The following RIMBP2 variants were observed in gnomAD, a reference collection of about 807,000 sequenced individuals.
The protein encoded by RIMBP2 is RIMS-binding protein 2.
Under a neutral mutation model 118.6 loss-of-function variants are expected in RIMBP2, and 48 were observed. That is an observed-to-expected ratio of 0.40 (90% CI 0.32 to 0.51). RIMBP2 has a LOEUF of 0.51. Ranked by LOEUF, RIMBP2 falls within the 20% of genes least tolerant of loss-of-function variation. The pLI is 0.41. For synonymous variants in RIMBP2, 762 were observed against 742.9 expected, an observed-to-expected ratio of 1.03 and a Z score of -0.42; for missense variants, 1,551 against 1,768.3, an observed-to-expected ratio of 0.88 and a Z score of 2.20.
At chr12:130,445,717 T>C (rs2078465014) in intron 9 of RIMBP2, among the ~76,000 whole-genome samples, 1 of 152,218 alleles carries the variant, frequency 6.6e-6, no homozygotes, top group South Asian at 2.1e-4. Flanking sequence ...CCTATACTTC[T>C]ACCTCTTGAA....
chr12:130,679,080 T>G (rs554202987), intron 1 of RIMBP2, among the ~76,000 whole-genome samples: 49 of 152,182 alleles, frequency 3.2e-4, no homozygotes, highest in South Asian at 3.1e-3. Context: ...TCAATATAAA[T>G]AAAAAAAGAC....
chr12:130,438,335 A>ATTGG, intron 12 of RIMBP2, 30 bp downstream of exon 12: 1 of 865,014 alleles, frequency 1.2e-6, no homozygotes, highest in Non-Finnish European at 1.9e-6. Flanking sequence ...GGCCTAACAA[A>ATTGG]CCCTCCCCAC....
At chr12:130,594,437 T>C (rs932839789) in intron 2 of RIMBP2, among the ~76,000 whole-genome samples, 5 of 152,212 alleles carry the variant, frequency 3.3e-5, no homozygotes, top group African/African-American at 1.2e-4. Flanking sequence ...GAGGGAGGTT[T>C]ACTTGTATAA....
Position 130,646,742 on chromosome 12 carries a change from C to G in RIMBP2, c.-351-18286G>C, listed in dbSNP as rs531936658. ...ATCGTTGATGTCATCTCCTACAGGG[C>G]AAGAGAAAGCCGCCTCCAGGGGCGA... On this transcript the variant is annotated intron_variant, in intron 1 of 22. Coordinates refer to ENST00000690449, the MANE Select transcript of RIMBP2 (RefSeq NM_001393629.1). 5.9e-5 allele frequency among the ~76,000 whole-genome samples: 9 copies of G among 152,356 alleles called. No homozygotes were observed. The South Asian group carries it at 1.9e-3, about 32-fold the overall frequency.
chr12:130,588,346 C>G (rs2059048089), intron 2 of RIMBP2, among the ~76,000 whole-genome samples: 2 of 152,134 alleles, frequency 1.3e-5, no homozygotes, highest in South Asian at 4.2e-4. Context: ...TAAATCAATT[C>G]ACTTTAACAT....
intron 2 of RIMBP2, among the ~76,000 whole-genome samples, chr12:130,560,935 A>G (rs973657748): frequency 6.6e-6 from 1 of 152,256 alleles, no homozygotes; most frequent in Middle Eastern, 3.2e-3. Flanking sequence ...TTGCAGATGT[A>G]GTAAGTCAGG....
chr12:130,496,667 G>A (rs4759702), intron 4 of RIMBP2, among the ~76,000 whole-genome samples: 69,824 of 151,864 alleles, frequency 0.46, 16,673 homozygotes, highest in East Asian at 0.64. Flanking sequence ...CGCTGGGCAG[G>A]CCCGCTCCCC....
intron 2 of RIMBP2, among the ~76,000 whole-genome samples, chr12:130,570,233 G>A: frequency 6.6e-6 from 1 of 152,090 alleles, no homozygotes; most frequent in African/African-American, 2.4e-5. Flanking sequence ...AGATGAGCCT[G>A]CGCAACATGG....
chr12:130,695,391 G>C (rs1025188113), intron 1 of RIMBP2, among the ~76,000 whole-genome samples: 21 of 152,194 alleles, frequency 1.4e-4, no homozygotes, highest in Admixed American at 2.0e-4. Flanking sequence ...GAGCTACGTT[G>C]ACAGGATGGA....
intron 2 of RIMBP2, among the ~76,000 whole-genome samples, chr12:130,533,127 GGACGTC>G (rs2053654542): frequency 7.7e-6 from 1 of 129,328 alleles, no homozygotes; most frequent in Non-Finnish European, 1.7e-5. Flanking sequence ...CCTCTAGGAG[GGACGTC>G]TAATGAGATG....
intron 1 of RIMBP2, among the ~76,000 whole-genome samples, chr12:130,640,377 G>A (rs2062564298): frequency 6.6e-6 from 1 of 152,254 alleles, no homozygotes; most frequent in African/African-American, 2.4e-5. Flanking sequence ...TTCCATCACA[G>A]ATTAAGCTTA....
In RIMBP2 at chr12:130,475,166, A is replaced by ATCACTCATTCGTCAT. The variant is rs1410023478; in HGVS notation, c.102+3731_102+3745dup. Among the ~76,000 whole-genome samples the ATCACTCATTCGTCAT allele has an allele frequency of 6.6e-6, 1 of 152,200 alleles. No individual in the cohort carries two copies. Among genetic ancestry groups the ATCACTCATTCGTCAT allele is most frequent in the Non-Finnish European group, 1.5e-5 (1 of 68,040 alleles). ...CGGGAGGAGAGCCCTGGGCACTTTC[A>ATCACTCATTCGTCAT]TCACTCATTCGTCATTCACCCATTT... On this transcript the variant is annotated intron_variant, in intron 5 of 22. Transcript: ENST00000690449. This position sits in a 1 kb window ranked among gnomAD's most constrained non-coding sequence, Gnocchi z 4.1.
chr12:130,708,739 C>T lies in RIMBP2; in HGVS notation c.-352+7483G>A, dbSNP rs75396664. ...CTTTGAAAATACTGTTATACCTGCG[C>T]CCCAGCTCACTGCACCTTCTCTAAG... On this transcript the variant is annotated intron_variant, in intron 1 of 22. Coordinates refer to ENST00000690449, the MANE Select transcript of RIMBP2 (RefSeq NM_001393629.1). Among the ~76,000 whole-genome samples the T allele has an allele frequency of 6.8e-3, 1,042 of 152,302 alleles. 16 individuals are homozygous for T. The highest frequency in any genetic ancestry group is 0.024 in the African/African-American group (994 of 41,562).
intron 2 of RIMBP2, among the ~76,000 whole-genome samples, chr12:130,590,525 T>C (rs369479951): frequency 6.6e-6 from 1 of 152,130 alleles, no homozygotes; most frequent in Non-Finnish European, 1.5e-5. Flanking sequence ...CCCTCTCTCA[T>C]CAGTGGACAG....
chr12:130,536,374 C>T (rs2054086492), intron 2 of RIMBP2, among the ~76,000 whole-genome samples: 2 of 152,162 alleles, frequency 1.3e-5, no homozygotes, highest in South Asian at 4.1e-4. Flanking sequence ...TGAATTTATT[C>T]CAAAATAATC....
intron 1 of RIMBP2, among the ~76,000 whole-genome samples, chr12:130,679,457 C>T (rs1027069347): frequency 7.9e-5 from 12 of 152,342 alleles, no homozygotes; most frequent in Middle Eastern, 3.4e-3. Flanking sequence ...TAAACATCCA[C>T]GTTTGCACAA....
chr12:130,588,544 G>A (rs917098461), intron 2 of RIMBP2, among the ~76,000 whole-genome samples: 3 of 152,144 alleles, frequency 2.0e-5, no homozygotes, highest in Non-Finnish European at 4.4e-5. Context: ...CTTTCTGCAC[G>A]AGCTGAAGGG....
intron 2 of RIMBP2, among the ~76,000 whole-genome samples, chr12:130,521,137 G>A (rs1300831135): frequency 6.6e-6 from 1 of 152,210 alleles, no homozygotes; most frequent in Non-Finnish European, 1.5e-5. Context: ...AAGGCAAGAT[G>A]GCTTAACCTG....
Position 130,438,412 on chromosome 12 carries a change from T to G in RIMBP2, c.1609A>C (p.Asn537His). ...PPVLTPTGLSNGANVTGYGVY... is the reference protein window; with the variant it reads ...PPVLTPTGLSHGANVTGYGVY... ...CCGTAGCCGGTAACGTTTGCGCCAT[T>G]GGACAGCCCGGTGGGCGTCAGCACA... Residue 537 changes from asparagine to histidine, a missense_variant, in exon 12 of 23, where the codon AAT becomes CAT. Physicochemically the swap from Asn to His is moderately conservative, Grantham distance 68. Around this residue, in one of 5 missense-constraint regions of RIMBP2, gnomAD observed 1,038 missense variants for 1,125.1 expected, o/e 0.92. Transcript: ENST00000690449. The G allele has an allele frequency of 5.0e-6, 8 of 1,605,826 alleles. No individual in the cohort carries two copies. Among genetic ancestry groups the G allele is most frequent in the Non-Finnish European group, 6.8e-6 (8 of 1,175,440 alleles).
Sources: allele counts gnomAD v4.1 joint callset (sites outside exome capture counted in the v4.1 genomes callset), GRCh38; gene constraint gnomAD v4.1.1; regional missense constraint gnomAD v4.1.1; non-coding constraint Gnocchi (gnomAD v3.1); transcripts MANE v1.5; gene names NCBI Gene and HGNC (gene_info 2026-07-23, HGNC 2026-07-21).